The following ADAM23 variants were observed in gnomAD, a reference collection of about 807,000 sequenced individuals.
ADAM23 encodes the protein ADAM metallopeptidase domain 23.
A neutral mutation model predicts 120.1 loss-of-function variants in ADAM23; 33 were observed. That is an observed-to-expected ratio of 0.27 (90% CI 0.21 to 0.37). The LOEUF (loss-of-function observed/expected upper bound fraction) is 0.37, where lower values mean the gene tolerates loss of function less well. Ranked by LOEUF, ADAM23 falls within the 10% of genes least tolerant of loss-of-function variation. The probability of loss-of-function intolerance (pLI) is 1.00; values close to 1 mark genes in which losing one functional copy is unlikely to be tolerated. For synonymous variants in ADAM23, 367 were observed against 375.2 expected (o/e 0.98, Z 0.25); for missense variants, 862 against 1,058.2 (o/e 0.81, Z 2.57).
At chr2:206,533,159 C>T (rs148688863) in intron 4 of ADAM23, among the ~76,000 whole-genome samples, 263 of 152,228 alleles carry the variant, frequency 1.7e-3, no homozygotes, top group Middle Eastern at 0.01. Flanking sequence ...CTTATTTTCA[C>T]ATAATGCAGC....
At chr2:206,614,096 G>A (rs1250637972) in intron 25 of ADAM23, among the ~76,000 whole-genome samples, 1 of 152,226 alleles carries the variant, frequency 6.6e-6, no homozygotes, top group East Asian at 1.9e-4. Flanking sequence ...GGATTCAGTG[G>A]CAAAGTGGAT....
At chr2:206,456,704 G>C (rs1021102533) in intron 2 of ADAM23, among the ~76,000 whole-genome samples, 1 of 152,150 alleles carries the variant, frequency 6.6e-6, no homozygotes, top group Non-Finnish European at 1.5e-5. Flanking sequence ...AAAAATCTTA[G>C]ATGGTAGTGA....
intron 2 of ADAM23, among the ~76,000 whole-genome samples, chr2:206,468,911 A>G (rs1695597063): frequency 6.6e-6 from 1 of 152,194 alleles, no homozygotes; most frequent in South Asian, 2.1e-4. Context: ...GCAAAGTGGG[A>G]GCAGTCATTC....
intron 2 of ADAM23, among the ~76,000 whole-genome samples, chr2:206,480,602 G>T (rs2105877489): frequency 1.3e-5 from 2 of 151,986 alleles, no homozygotes; most frequent in African/African-American, 2.4e-5. Flanking sequence ...CTAGTAAATA[G>T]GATTCATGTT....
intron 10 of ADAM23, among the ~76,000 whole-genome samples, chr2:206,557,812 A>T (rs1233489295): frequency 6.6e-6 from 1 of 152,234 alleles, no homozygotes; most frequent in Non-Finnish European, 1.5e-5. Context: ...TATACTGGCA[A>T]ATGAGACTTT....
chr2:206,559,989 T>C lies in ADAM23; in HGVS notation c.1040T>C (p.Leu347Pro). 2 of 1,614,074 alleles carry C rather than the reference T, an allele frequency of 1.2e-6. No individual in the cohort carries two copies. Among genetic ancestry groups the C allele is most frequent in the Non-Finnish European group, 1.7e-6 (2 of 1,179,980 alleles). ...YKEQLNTRVV[L>P]VAVETWTEKD... ...GAGCAGCTCAACACCAGGGTTGTCC[T>C]GGTGGCTGTAGAGACCTGGACTGAG... Residue 347 changes from leucine (L) to proline (P), a missense_variant, in exon 11 of 26, where the codon CTG (leucine) becomes CCG (proline). Physicochemically the swap from Leu to Pro is moderately conservative, Grantham distance 98. Coordinates refer to ENST00000264377, the MANE Select transcript of ADAM23 (RefSeq NM_003812.4).
rs878873517 is a variant in ADAM23 at position 206,620,217 on chromosome 2, A to G, written c.*2590A>G. On this transcript the variant is annotated 3_prime_UTR_variant, in exon 26 of 26. Coordinates refer to ENST00000264377, the MANE Select transcript of ADAM23 (RefSeq NM_003812.4). ...TCACAAACAACATTGTAAATGTGCG[A>G]TGTTACGTTTTAAATCAGACCACAG... 1.3e-5 allele frequency: 2 copies of G among 152,170 alleles called. No individual in the cohort carries two copies. The highest frequency in any genetic ancestry group is 4.1e-4 in the South Asian group (2 of 4,834). The allele number at this position is 152,170 out of a possible 1,614,324, so 9.4% of individuals were successfully genotyped here. A position where few individuals can be genotyped will look rare whatever the true frequency, so the allele number is the denominator to read the frequency against.
At chr2:206,614,424 G>T (rs932793830) in intron 25 of ADAM23, among the ~76,000 whole-genome samples, 7 of 152,210 alleles carry the variant, frequency 4.6e-5, no homozygotes. Flanking sequence ...CCAGGCTGAG[G>T]TGGACAGATC....
intron 11 of ADAM23, among the ~76,000 whole-genome samples, chr2:206,560,751 T>TACCGTTG (rs1407300446): frequency 6.6e-6 from 1 of 152,200 alleles, no homozygotes; most frequent in Admixed American, 6.5e-5. Flanking sequence ...CTCCCACCAT[T>TACCGTTG]ACCGTTGACT....
chr2:206,547,786 TC>T (rs1380223639), intron 7 of ADAM23, among the ~76,000 whole-genome samples: 3 of 152,218 alleles, frequency 2.0e-5, no homozygotes, highest in East Asian at 1.9e-4. Flanking sequence ...CCTGAAATCT[TC>T]CTGGCAGTTT....
At chr2:206,595,095 C>T (rs538357623) in intron 23 of ADAM23, among the ~76,000 whole-genome samples, 190 bp downstream of exon 23, 3 of 152,202 alleles carry the variant, frequency 2.0e-5, no homozygotes, top group Admixed American at 6.5e-5. Context: ...GCAGAAGAAT[C>T]GCTTGAACCC....
chr2:206,476,252 G>A (rs1225507785), intron 2 of ADAM23, among the ~76,000 whole-genome samples: 6 of 152,072 alleles, frequency 3.9e-5, no homozygotes, highest in Admixed American at 1.3e-4. Flanking sequence ...GGCATGTTTC[G>A]TTCATTACTT....
At chr2:206,613,877 A>G (rs1370003689) in intron 25 of ADAM23, among the ~76,000 whole-genome samples, 2 of 152,242 alleles carry the variant, frequency 1.3e-5, no homozygotes, top group African/African-American at 4.8e-5. Flanking sequence ...AGGGTTTTAC[A>G]TGCACATTAG....
chr2:206,492,182 C>T (rs1696147759), intron 3 of ADAM23, among the ~76,000 whole-genome samples: 2 of 152,094 alleles, frequency 1.3e-5, no homozygotes, highest in African/African-American at 4.8e-5. Context: ...AGGAGGGGTA[C>T]CTAACCCAGA....
intron 9 of ADAM23, among the ~76,000 whole-genome samples, chr2:206,554,434 A>G (rs953828672): frequency 6.6e-6 from 1 of 152,218 alleles, no homozygotes; most frequent in Non-Finnish European, 1.5e-5. Context: ...CATGAAAAGC[A>G]AATGTTTTGC....
At chr2:206,546,859 A>G (rs1574525913) in intron 6 of ADAM23, among the ~76,000 whole-genome samples, 1 of 152,322 alleles carries the variant, frequency 6.6e-6, no homozygotes, top group South Asian at 2.1e-4. Context: ...AATAGGAATA[A>G]GAATAATGGT....
At chr2:206,596,280 C>T in intron 24 of ADAM23, 118 bp downstream of exon 24, 1 of 697,796 alleles carries the variant, frequency 1.4e-6, no homozygotes, top group Non-Finnish European at 2.4e-6. Context: ...CTGTTTTTGC[C>T]TTTAAAGTAT....
intron 5 of ADAM23, among the ~76,000 whole-genome samples, chr2:206,542,761 G>C (rs940058722): frequency 6.6e-6 from 1 of 152,170 alleles, no homozygotes; most frequent in African/African-American, 2.4e-5. Flanking sequence ...CATACTGCTT[G>C]ATGGCAGTTC....
chr2:206,557,338 T>C (rs1697666289), intron 9 of ADAM23, 89 bp from the exon 10 acceptor site: 2 of 1,028,658 alleles, frequency 1.9e-6, no homozygotes, highest in Admixed American at 3.5e-5. Context: ...ATATTTCTAC[T>C]ATTACTGAGA....
Sources: gnomAD v4.1 joint callset for allele counts (sites outside exome capture counted in the v4.1 genomes callset) on GRCh38, gnomAD v4.1.1 for gene constraint, MANE v1.5 for transcripts, NCBI Gene and HGNC (gene_info 2026-07-23, HGNC 2026-07-21) for gene names.